ZNF648: variants seen among roughly 807,000 people sequenced by gnomAD.
The protein encoded by ZNF648 is zinc finger protein 648.
In ZNF648, 1 loss-of-function variant was observed where a neutral mutation model predicts 0.3. That is an observed-to-expected ratio of 3.90 (90% CI 1.39 to 18.51). The LOEUF is 18.51. Among genes scored for constraint, ZNF648 ranks in the 30% most tolerant of loss-of-function variants. The probability of loss-of-function intolerance (pLI) is 0.11; values close to 1 mark genes in which losing one functional copy is unlikely to be tolerated. For synonymous variants in ZNF648, 376 were observed against 326.8 expected (o/e 1.15, Z -1.62); for missense variants, 874 against 769.7 (o/e 1.14, Z -1.60).
At chr1:182,063,628 T>A (rs894189496), upstream of ZNF648, 1 of 152,256 alleles carries the variant, frequency 6.6e-6, no homozygotes, top group African/African-American at 2.4e-5. Flanking sequence ...ATGGATAGAT[T>A]GAAAACATTT....
upstream of ZNF648, among the ~76,000 whole-genome samples, chr1:182,066,314 A>G (rs1666098916): frequency 2.0e-5 from 3 of 152,188 alleles, no homozygotes; most frequent in African/African-American, 7.2e-5. Context: ...GAGTGGAGTG[A>G]CGTGGTGGAA....
chr1:182,057,190 C>G lies in ZNF648; in HGVS notation c.821G>C (p.Gly274Ala), dbSNP rs754881990. 4.6e-5 allele frequency: 72 copies of G among 1,578,098 alleles called. 1 individual carries two copies. Among genetic ancestry groups the G allele is most frequent in the African/African-American group, 2.0e-4 (15 of 74,322 alleles). The change falls in exon 2 of 2, where the codon GGC becomes GCC. Residue 274 changes from glycine to alanine, a missense_variant. Gly to Ala is a moderately conservative substitution (Grantham distance 60). Coordinates refer to ENST00000339948, the MANE Select transcript of ZNF648 (RefSeq NM_001009992.1). ...KPLSPAETRG[G>A]AAKRYACELC... ...CTCGCACGCGTAGCGCTTGGCGGCG[C>G]CGCCGCGCGTCTCCGCGGGGCTCAG...
chr1:182,059,144 T>C lies in ZNF648; in HGVS notation c.-63-1071A>G, dbSNP rs564441979. ...CCAGTCGCATTTGTTTTATAGAAAA[T>C]AGTATTAAAGTTACCTGGGTTTAAA... On this transcript the variant is annotated intron_variant, in intron 1 of 1. Coordinates refer to ENST00000339948, the MANE Select transcript of ZNF648 (RefSeq NM_001009992.1). Among the ~76,000 whole-genome samples the C allele has an allele frequency of 2.0e-5, 3 of 152,214 alleles. No individual in the cohort carries two copies. The South Asian group carries it at 6.2e-4, about 32-fold the overall frequency.
At chr1:182,061,976 G>A (rs945592325), upstream of ZNF648, among the ~76,000 whole-genome samples, 1 of 152,148 alleles carries the variant, frequency 6.6e-6, no homozygotes, top group African/African-American at 2.4e-5. Context: ...GCCCTGGTAT[G>A]CCCATGGGCC....
upstream of ZNF648, chr1:182,064,522 C>T (rs1362766834): frequency 2.0e-5 from 3 of 152,112 alleles, no homozygotes; most frequent in Non-Finnish European, 2.9e-5. Flanking sequence ...AGAGACATAC[C>T]TCTAGGTCTC....
upstream of ZNF648, among the ~76,000 whole-genome samples, chr1:182,065,253 T>A (rs903640183): frequency 2.4e-4 from 36 of 152,144 alleles, no homozygotes; most frequent in African/African-American, 7.5e-4. Flanking sequence ...TGCTTGGCCT[T>A]TGCTTGACTC....
chr1:182,066,830 T>C, the ZNF648 span, among the ~76,000 whole-genome samples: 1 of 152,240 alleles, frequency 6.6e-6, no homozygotes, highest in African/African-American at 2.4e-5. Flanking sequence ...TTATTATTTT[T>C]ATCCTAGAGC....
upstream of ZNF648, among the ~76,000 whole-genome samples, chr1:182,066,614 G>A (rs1174520770): frequency 6.6e-6 from 1 of 152,168 alleles, no homozygotes; most frequent in African/African-American, 2.4e-5. Context: ...ACAACCTTGA[G>A]TCAGAAAGGC....
upstream of ZNF648, among the ~76,000 whole-genome samples, chr1:182,065,692 T>C (rs1416968863): frequency 6.6e-6 from 1 of 152,198 alleles, no homozygotes; most frequent in African/African-American, 2.4e-5. Context: ...CCTACCCTGA[T>C]ACATCCTCCA....
rs1665930414 is a variant in ZNF648 at position 182,056,993 on chromosome 1, A to G, written c.1018T>C (p.Cys340Arg). ...TGEKPYPCPDCGKAFVRSSDL... is the reference protein window; with the variant it reads ...TGEKPYPCPDRGKAFVRSSDL... ...GAAGAGCGCACGAAGGCCTTCCCGC[A>G]GTCTGGACACGGGTAGGGTTTCTCG... The change falls in exon 2 of 2, where the codon TGC becomes CGC. Residue 340 changes from cysteine to arginine, a missense_variant. Transcript: ENST00000339948. The G allele has an allele frequency of 4.3e-6, 7 of 1,613,694 alleles. No individual in the cohort carries two copies. The highest frequency in any genetic ancestry group is 5.9e-6 in the Non-Finnish European group (7 of 1,179,948).
intron 1 of ZNF648, among the ~76,000 whole-genome samples, chr1:182,059,710 C>CAA (rs11439785): frequency 6.7e-6 from 1 of 148,610 alleles, no homozygotes; most frequent in African/African-American, 2.5e-5. Context: ...ACTAAAAATA[C>CAA]AAAAAAATTA....
In ZNF648 at chr1:182,057,211, C is replaced by G. The variant is rs1326792225; in HGVS notation, c.800G>C (p.Ser267Thr). ...RAFQKPSKPL[S>T]PAETRGGAAK... is the part of the protein sequence containing the mutation. ...GGCGCCGCCGCGCGTCTCCGCGGGGCTCAGCGGCTTGCTGGGCTTCTGAAA... is the reference window on the plus strand; with the variant it reads ...GGCGCCGCCGCGCGTCTCCGCGGGGGTCAGCGGCTTGCTGGGCTTCTGAAA... Residue 267 changes from serine (S) to threonine (T), a missense_variant, in exon 2 of 2, where the codon AGC becomes ACC. Ser to Thr is a moderately conservative substitution (Grantham distance 58, BLOSUM62 1). Transcript: ENST00000339948. 14 of 1,570,252 alleles carry G rather than the reference C, an allele frequency of 8.9e-6. No individual in the cohort carries two copies. The highest frequency in any genetic ancestry group is 1.1e-5 in the Non-Finnish European group (13 of 1,164,164).
Position 182,057,541 on chromosome 1 carries a change from T to G in ZNF648, c.470A>C (p.Gln157Pro), listed in dbSNP as rs1665953510. Residue 157 changes from glutamine (Q) to proline (P), a missense_variant, in exon 2 of 2, where the codon CAG becomes CCG. Coordinates refer to ENST00000339948, the MANE Select transcript of ZNF648 (RefSeq NM_001009992.1). The part of the protein sequence containing the change: ...AGDDGYSGAN[Q>P]DAVLDVPPSF... Reference sequence around the variant, plus strand: ...GGGTGGGACATCCAAGACTGCGTCCTGGTTTGCCCCCGAGTATCCATCATC... The same window carrying G: ...GGGTGGGACATCCAAGACTGCGTCCGGGTTTGCCCCCGAGTATCCATCATC... 6.2e-7 allele frequency: 1 copy of G among 1,614,108 alleles called. No homozygotes were observed. The highest frequency in any genetic ancestry group is 8.5e-7 in the Non-Finnish European group (1 of 1,180,052).
At position 182,055,014 on chromosome 1, in the gene ZNF648, G is replaced by T. The variant is rs1329909708; in HGVS notation, c.*1290C>A. ...GTGGCAATTTTAGGAATATACTAAA[G>T]GTACTCCCCCAAAAAGGGCACTATA... is the stretch of plus-strand genomic sequence containing the variant. On this transcript the variant is annotated 3_prime_UTR_variant, in exon 2 of 2. Transcript: ENST00000339948. The surrounding 1 kb of genome is among the most constrained non-coding windows in gnomAD (Gnocchi z 4.1). The T allele has an allele frequency of 6.6e-6, 1 of 152,130 alleles. No individual in the cohort carries two copies. The highest frequency in any genetic ancestry group is 1.5e-5 in the Non-Finnish European group (1 of 68,012). 9.4% of individuals were successfully genotyped at this position (152,130 alleles called of 1,614,324 possible).
the ZNF648 span, among the ~76,000 whole-genome samples, chr1:182,068,618 C>T: frequency 2.0e-5 from 3 of 152,164 alleles, no homozygotes. Flanking sequence ...CCCTGCTGTA[C>T]ATAAGAATAA....
chr1:182,058,055 C>T lies in ZNF648; in HGVS notation c.-45G>A, dbSNP rs1477326336. ...TGCCTACTCCTCTGAGGAGGAGTAT[C>T]CTGCTTGGCTCAGGATACCTGCAAA... On this transcript the variant is annotated 5_prime_UTR_variant, in exon 2 of 2. Transcript: ENST00000339948. 6.5e-7 allele frequency: 1 copy of T among 1,537,648 alleles called. No individual in the cohort carries two copies. The highest frequency in any genetic ancestry group is 8.7e-7 in the Non-Finnish European group (1 of 1,147,370).
At position 182,056,548 on chromosome 1, in the gene ZNF648, G is replaced by C. The variant is rs530658849; in HGVS notation, c.1463C>G (p.Ser488Cys). ...CTQCGQAFAR[S>C]STLKRHQQIH... ...CTGTTGGTGCCGCTTCAGGGTCGAAGAGCGGGCAAAGGCCTGGCCACACTG... is the reference window on the plus strand; with the variant it reads ...CTGTTGGTGCCGCTTCAGGGTCGAACAGCGGGCAAAGGCCTGGCCACACTG... Residue 488 changes from serine to cysteine, a missense_variant, in exon 2 of 2, where the codon TCT (serine) becomes TGT (cysteine). Ser to Cys is a moderately radical substitution (Grantham distance 112, BLOSUM62 -1). Transcript: ENST00000339948. 1.2e-6 allele frequency: 2 copies of C among 1,614,178 alleles called. No individual in the cohort carries two copies. The highest frequency in any genetic ancestry group is 1.7e-5 in the Admixed American group (1 of 60,026).
rs1161087875 is a variant in ZNF648, at chr1:182,056,629, G to A, written c.1382C>T (p.Ser461Leu). The stretch of plus-strand genomic sequence containing the variant: ...GATGCGCTGGTGGCGCACGAGGCGC[G>A]AGGGCTGCGCGAAGGCCACGCCGCA... ...ADCGVAFAQP[S>L]RLVRHQRIHT... The change falls in exon 2 of 2, where the codon TCG (serine) becomes TTG (leucine). Residue 461 changes from serine (S) to leucine (L), a missense_variant. Transcript: ENST00000339948. 2 of 1,611,082 alleles carry A rather than the reference G, an allele frequency of 1.2e-6. No individual in the cohort carries two copies. Among genetic ancestry groups the A allele is most frequent in the Admixed American group, 1.7e-5 (1 of 59,628 alleles).
In ZNF648 at chr1:182,056,913, G is replaced by A. The variant is rs1557970819; in HGVS notation, c.1098C>T (p.Cys366=). ...TGTTGAAGGTCAGGCCGCACTCGGA[G>A]CACGGGAAGGGCTTATTGTTGCTGT... ...NMHSNNKPFP[C]SECGLTFNKP... is the part of the protein sequence containing the mutation. Residue 366 remains cysteine (C), a synonymous_variant, in exon 2 of 2, where the codon TGC becomes TGT. Transcript: ENST00000339948. The A allele has an allele frequency of 6.2e-7, 1 of 1,601,144 alleles. No homozygotes were observed. Among genetic ancestry groups the A allele is most frequent in the Non-Finnish European group, 8.5e-7 (1 of 1,174,166 alleles).
Sources: gnomAD v4.1 joint callset for allele counts (sites outside exome capture counted in the v4.1 genomes callset) on GRCh38, gnomAD v4.1.1 for gene constraint, Gnocchi (gnomAD v3.1) non-coding constraint, MANE v1.5 for transcripts, NCBI Gene and HGNC (gene_info 2026-07-23, HGNC 2026-07-21) for gene names.